SRGAP1: variants seen among roughly 807,000 people sequenced by gnomAD.
The protein encoded by SRGAP1 is SLIT-ROBO Rho GTPase activating protein 1.
Under a neutral mutation model 121.9 loss-of-function variants are expected in SRGAP1, and 43 were observed. That is an observed-to-expected ratio of 0.35 (90% CI 0.28 to 0.46). The LOEUF is 0.46. Among genes scored for constraint, SRGAP1 ranks in the 20% least tolerant of loss-of-function variants. The pLI, the probability that SRGAP1 is intolerant of heterozygous loss-of-function variation, is 1.00. For missense variants in SRGAP1, 1,102 were observed against 1,350.9 expected (o/e 0.82, Z 2.89); for synonymous variants, 447 against 485.4 (o/e 0.92, Z 1.04).
intron 3 of SRGAP1, among the ~76,000 whole-genome samples, chr12:64,011,199 A>AG (rs2034242328): frequency 6.6e-6 from 1 of 151,934 alleles, no homozygotes; most frequent in Non-Finnish European, 1.5e-5. Flanking sequence ...GTTAAAAAAA[A>AG]TTGAACTCTA....
intron 1 of SRGAP1, among the ~76,000 whole-genome samples, chr12:63,865,838 TG>T (rs1447460803): frequency 2.6e-5 from 4 of 152,174 alleles, no homozygotes; most frequent in African/African-American, 9.6e-5. Flanking sequence ...AAAGCTGTAG[TG>T]GATCAGACAA....
chr12:63,917,387 G>T (rs767122455), intron 1 of SRGAP1, among the ~76,000 whole-genome samples: 1 of 152,162 alleles, frequency 6.6e-6, no homozygotes, highest in Non-Finnish European at 1.5e-5. Flanking sequence ...TAGAGGTATG[G>T]ATGCCTGGGT....
At chr12:64,133,784 C>T (rs2036820330) in intron 21 of SRGAP1, among the ~76,000 whole-genome samples, 5 of 152,104 alleles carry the variant, frequency 3.3e-5, no homozygotes, top group Non-Finnish European at 7.4e-5. Context: ...TTTGTCCATC[C>T]AACCTAGAAG....
intron 4 of SRGAP1, among the ~76,000 whole-genome samples, chr12:64,019,162 A>G (rs984052147): frequency 2.0e-5 from 3 of 152,202 alleles, no homozygotes; most frequent in Non-Finnish European, 4.4e-5. Flanking sequence ...GAATACAAGA[A>G]AAGTCAATAG....
chr12:63,965,240 C>T (rs2032758490), intron 1 of SRGAP1, among the ~76,000 whole-genome samples: 1 of 152,088 alleles, frequency 6.6e-6, no homozygotes, highest in Admixed American at 6.6e-5. Context: ...GTACCTTCCG[C>T]ACCAAAGACA....
intron 4 of SRGAP1, among the ~76,000 whole-genome samples, chr12:64,033,944 C>T (rs769071145): frequency 1.6e-4 from 25 of 151,994 alleles, no homozygotes; most frequent in Non-Finnish European, 2.8e-4. Flanking sequence ...TGCTTGAACC[C>T]GGTGTGAGGG....
intron 1 of SRGAP1, among the ~76,000 whole-genome samples, chr12:63,882,758 T>C (rs1900237491): frequency 6.6e-6 from 1 of 152,240 alleles, no homozygotes; most frequent in African/African-American, 2.4e-5. Flanking sequence ...GTAACTGCTT[T>C]GTAAATTAAC....
intron 21 of SRGAP1, among the ~76,000 whole-genome samples, chr12:64,133,745 T>C (rs777506449): frequency 2.0e-5 from 3 of 152,190 alleles, no homozygotes; most frequent in Admixed American, 6.5e-5. Context: ...GGGGCCATGA[T>C]TCTCTGTTTT....
intron 1 of SRGAP1, among the ~76,000 whole-genome samples, chr12:63,924,347 A>G (rs113360742): frequency 7.4e-4 from 112 of 152,284 alleles, no homozygotes; most frequent in African/African-American, 2.3e-3. Flanking sequence ...TCTATAAAGT[A>G]CCTCTCATCC....
intron 6 of SRGAP1, among the ~76,000 whole-genome samples, chr12:64,056,229 T>C (rs2035338286): frequency 6.6e-6 from 1 of 152,156 alleles, no homozygotes; most frequent in Admixed American, 6.6e-5. Flanking sequence ...TGCAGTTTCC[T>C]AAATTAAGCC....
intron 1 of SRGAP1, among the ~76,000 whole-genome samples, chr12:63,950,286 C>T (rs943648207): frequency 6.6e-6 from 1 of 152,168 alleles, no homozygotes; most frequent in Non-Finnish European, 1.5e-5. Context: ...ATGTCCAAAA[C>T]CTCAGAGAAC....
intron 3 of SRGAP1, 105 bp from the exon 4 acceptor site, chr12:64,016,845 C>T: frequency 1.6e-6 from 1 of 626,382 alleles, no homozygotes; most frequent in Non-Finnish European, 2.7e-6. Flanking sequence ...ACTACAGAGG[C>T]TTGCTGTCTT....
chr12:64,060,167 T>C (rs919037156), intron 6 of SRGAP1, among the ~76,000 whole-genome samples: 2 of 151,480 alleles, frequency 1.3e-5, no homozygotes, highest in African/African-American at 4.9e-5. Flanking sequence ...CTTCCATCCT[T>C]CCTTCCCTTT....
At chr12:64,121,213 A>G (rs1167820017) in intron 18 of SRGAP1, among the ~76,000 whole-genome samples, 4 of 151,600 alleles carry the variant, frequency 2.6e-5, no homozygotes, top group African/African-American at 9.7e-5. Flanking sequence ...GGGTTTCCCT[A>G]TGTTGCCCAG....
chr12:64,017,412 T>C (rs2034432399), intron 4 of SRGAP1, among the ~76,000 whole-genome samples: 1 of 152,180 alleles, frequency 6.6e-6, no homozygotes, highest in East Asian at 1.9e-4. Context: ...TGCAGCACTT[T>C]GGGAGGCCAA....
At chr12:64,033,456 C>T (rs1004403896) in intron 4 of SRGAP1, among the ~76,000 whole-genome samples, 1 of 152,100 alleles carries the variant, frequency 6.6e-6, no homozygotes, top group Non-Finnish European at 1.5e-5. Context: ...GTGGCTCATG[C>T]CTGTAATCCC....
intron 8 of SRGAP1, among the ~76,000 whole-genome samples, chr12:64,067,683 A>C (rs2035564874): frequency 2.0e-5 from 3 of 152,180 alleles, no homozygotes; most frequent in African/African-American, 7.2e-5. Flanking sequence ...ACTTCAATAT[A>C]TGTCAAGGTG....
intron 1 of SRGAP1, among the ~76,000 whole-genome samples, chr12:63,901,390 AT>A (rs2029919818): frequency 6.6e-6 from 1 of 152,130 alleles, no homozygotes; most frequent in Non-Finnish European, 1.5e-5. Flanking sequence ...GTCTGGTCTG[AT>A]TTTGGTACAT....
At chr12:63,962,932 T>A (rs974410044) in intron 1 of SRGAP1, among the ~76,000 whole-genome samples, 3 of 152,182 alleles carry the variant, frequency 2.0e-5, no homozygotes, top group African/African-American at 4.8e-5. Flanking sequence ...GAGTACATGT[T>A]GAAATTATAG....
Sources: gnomAD v4.1 joint callset for allele counts (sites outside exome capture counted in the v4.1 genomes callset) on GRCh38, gnomAD v4.1.1 for gene constraint, MANE v1.5 for transcripts, NCBI Gene and HGNC (gene_info 2026-07-23, HGNC 2026-07-21) for gene names.